Variants in RIMS1 observed in about 807,000 individuals in gnomAD.
RIMS1 encodes the protein regulating synaptic membrane exocytosis 1.
A neutral mutation model predicts 214.1 loss-of-function variants in RIMS1; 83 were observed. That is an observed-to-expected ratio of 0.39 (90% CI 0.32 to 0.47). The LOEUF is 0.47. Among genes scored for constraint, RIMS1 ranks in the 20% least tolerant of loss-of-function variants. The probability of loss-of-function intolerance (pLI) is 0.99; values close to 1 mark genes in which losing one functional copy is unlikely to be tolerated. For synonymous variants in RIMS1, 793 were observed against 786.8 expected, an observed-to-expected ratio of 1.01 and a Z score of -0.13; for missense variants, 2,050 against 2,161.8, an observed-to-expected ratio of 0.95 and a Z score of 1.03.
chr6:72,144,065 A>G (rs1028304493), intron 4 of RIMS1, among the ~76,000 whole-genome samples: 1 of 152,208 alleles, frequency 6.6e-6, no homozygotes, highest in Non-Finnish European at 1.5e-5. Context: ...CTTCCACTAT[A>G]GCAGCGAACG....
At chr6:71,924,630 C>CAAAAAAAAAAAAAAAAAAA (rs1250868988) in intron 1 of RIMS1, among the ~76,000 whole-genome samples, 4 of 76,196 alleles carry the variant, frequency 5.2e-5, no homozygotes, top group African/African-American at 2.2e-4. Context: ...CCCATCTCTG[C>CAAAAAAAAAAAAAAAAAAA]AAAAAAAAAA....
chr6:72,345,050 G>A (rs2097212882), intron 29 of RIMS1, among the ~76,000 whole-genome samples: 1 of 151,690 alleles, frequency 6.6e-6, no homozygotes, highest in Non-Finnish European at 1.5e-5. Context: ...ACTATACTAA[G>A]ATGATTGTTA....
chr6:72,246,487 C>T (rs1471074827), intron 11 of RIMS1, among the ~76,000 whole-genome samples: 1 of 152,128 alleles, frequency 6.6e-6, no homozygotes, highest in African/African-American at 2.4e-5. Context: ...CAAATATTTA[C>T]TTTGCAATGG....
chr6:72,025,934 T>C (rs1249845349), intron 2 of RIMS1, among the ~76,000 whole-genome samples: 1 of 152,170 alleles, frequency 6.6e-6, no homozygotes, highest in Non-Finnish European at 1.5e-5. Flanking sequence ...TACAGATGGA[T>C]CTCTCCATGG....
At chr6:72,082,057 T>C (rs1268853050) in intron 2 of RIMS1, among the ~76,000 whole-genome samples, 1 of 152,192 alleles carries the variant, frequency 6.6e-6, no homozygotes, top group Non-Finnish European at 1.5e-5. Flanking sequence ...TTCAGGAAGC[T>C]TGTATTCTTC....
At chr6:72,236,701 G>A (rs1215164008) in intron 8 of RIMS1, among the ~76,000 whole-genome samples, 1 of 149,478 alleles carries the variant, frequency 6.7e-6, no homozygotes, top group Non-Finnish European at 1.5e-5. Context: ...TAATCTTTTA[G>A]CTTCCCTGAG....
intron 1 of RIMS1, among the ~76,000 whole-genome samples, chr6:71,911,567 C>T (rs1776942200): frequency 6.6e-6 from 1 of 152,106 alleles, no homozygotes; most frequent in Admixed American, 6.6e-5. Context: ...GGATTTAGCA[C>T]TGGAAATATA....
chr6:71,951,044 A>G (rs958852368), intron 1 of RIMS1, among the ~76,000 whole-genome samples: 3 of 152,248 alleles, frequency 2.0e-5, no homozygotes, highest in African/African-American at 7.2e-5. Context: ...TAAAATCAGC[A>G]TGCAAACATC....
intron 24 of RIMS1, among the ~76,000 whole-genome samples, chr6:72,285,737 C>T (rs1170421200): frequency 6.6e-6 from 1 of 152,152 alleles, no homozygotes; most frequent in East Asian, 1.9e-4. Flanking sequence ...ACTGCAGTTT[C>T]TTTACCATCA....
At chr6:72,372,580 G>T (rs1489225569) in intron 29 of RIMS1, among the ~76,000 whole-genome samples, 5 of 152,126 alleles carry the variant, frequency 3.3e-5, no homozygotes, top group Non-Finnish European at 5.9e-5. Flanking sequence ...CAAGAATTTA[G>T]AGTAAACAGG....
At chr6:72,083,901 T>C (rs904723305) in intron 2 of RIMS1, among the ~76,000 whole-genome samples, 5 of 152,212 alleles carry the variant, frequency 3.3e-5, no homozygotes, top group Non-Finnish European at 5.9e-5. Flanking sequence ...CTCACACTTA[T>C]GCCTGAACTA....
intron 6 of RIMS1, among the ~76,000 whole-genome samples, chr6:72,223,747 A>C (rs903020029): frequency 6.6e-6 from 1 of 151,986 alleles, no homozygotes. Context: ...GGAAATCGAG[A>C]CCATCCTGGC....
At position 72,248,141 on chromosome 6, in the gene RIMS1, G is replaced by A. The variant is rs1590432210; in HGVS notation, c.2241+14G>A. On this transcript the variant is annotated intron_variant, in intron 12 of 33. Coordinates refer to ENST00000521978, the MANE Select transcript of RIMS1 (RefSeq NM_014989.7). ...GGGCAACTTTCTGTATGTATTTTTT[G>A]TACATGTTGGAGGCTGTTAGTATTT... 6.5e-7 allele frequency: 1 copy of A among 1,544,272 alleles called. No homozygotes were observed. The highest frequency in any genetic ancestry group is 8.9e-7 in the Non-Finnish European group (1 of 1,119,330).
chr6:71,921,683 A>C (rs1157837232), intron 1 of RIMS1, among the ~76,000 whole-genome samples: 1 of 152,222 alleles, frequency 6.6e-6, no homozygotes, highest in African/African-American at 2.4e-5. Context: ...ATAAGTAGTG[A>C]ATCATTCAAA....
chr6:72,200,437 C>T (rs1193254201), intron 6 of RIMS1, among the ~76,000 whole-genome samples: 2 of 152,154 alleles, frequency 1.3e-5, no homozygotes, highest in African/African-American at 4.8e-5. Flanking sequence ...TTTCAGAGAC[C>T]TCTACCTCCA....
chr6:72,208,310 C>T (rs1053983672), intron 6 of RIMS1, among the ~76,000 whole-genome samples: 2 of 152,104 alleles, frequency 1.3e-5, no homozygotes, highest in Non-Finnish European at 2.9e-5. Flanking sequence ...GTAATGTAGT[C>T]CCGCATCAAG....
chr6:72,279,763 A>T (rs1017034688), intron 23 of RIMS1, among the ~76,000 whole-genome samples: 1 of 152,022 alleles, frequency 6.6e-6, no homozygotes, highest in Non-Finnish European at 1.5e-5. Flanking sequence ...TGTTATCCTC[A>T]TCAACTTATT....
At chr6:72,261,234 ATAAAATCTTTAACAGTTCACTT>A in intron 19 of RIMS1, 2 of 1,007,560 alleles carry the variant, frequency 2.0e-6, no homozygotes, top group East Asian at 1.0e-4. Context: ...TTTGCTTTTG[ATAAAATCTTTAACAGTTCACTT>A]TTAATGGCTG....
chr6:72,006,250 T>C (rs1194366469), intron 2 of RIMS1, among the ~76,000 whole-genome samples: 16 of 152,210 alleles, frequency 1.1e-4, no homozygotes, highest in Non-Finnish European at 1.6e-4. Flanking sequence ...AACATATGAA[T>C]GTTGCAGGGG....
Sources: gnomAD v4.1 joint callset for allele counts (sites outside exome capture counted in the v4.1 genomes callset) on GRCh38, gnomAD v4.1.1 for gene constraint, MANE v1.5 for transcripts, NCBI Gene and HGNC (gene_info 2026-07-23, HGNC 2026-07-21) for gene names.